GRIA2: variants seen among roughly 807,000 people sequenced by gnomAD.
The protein encoded by GRIA2 is glutamate receptor 2.
GRIA2 carries 14 observed loss-of-function variants against 97.3 expected under a neutral mutation model. The observed-to-expected ratio is 0.14, with a 90% confidence interval of 0.10 to 0.23. The LOEUF (loss-of-function observed/expected upper bound fraction) is 0.23, where lower values mean the gene tolerates loss of function less well. Among genes scored for constraint, GRIA2 ranks in the 10% least tolerant of loss-of-function variants. GRIA2 has a pLI of 1.00. For synonymous variants in GRIA2, 412 were observed against 387.8 expected (o/e 1.06, Z -0.73); for missense variants, 558 against 1,069.8 (o/e 0.52, Z 6.67).
intron 2 of GRIA2, among the ~76,000 whole-genome samples, chr4:157,297,077 G>C (rs1403023683): frequency 1.3e-5 from 2 of 152,080 alleles, no homozygotes; most frequent in African/African-American, 4.8e-5. Context: ...GGTTATATCT[G>C]CCATGAGAGG....
At chr4:157,352,453 C>A (rs199516614) in intron 12 of GRIA2, among the ~76,000 whole-genome samples, 2 of 152,220 alleles carry the variant, frequency 1.3e-5, no homozygotes, top group East Asian at 3.9e-4. Flanking sequence ...CACGGTGGCT[C>A]ATGCCTGTAA....
At position 157,354,130 on chromosome 4, in the gene GRIA2, C is replaced by T. The variant is rs114492930; in HGVS notation, c.2044-5766C>T. ...ACTGAAACATGACATTTTAGGAGAG[C>T]TTAATGTGCAAAGGAATGTCGAGAG... On this transcript the variant is annotated intron_variant, in intron 12 of 15. Coordinates refer to ENST00000264426, the MANE Select transcript of GRIA2 (RefSeq NM_001083619.3). Among the ~76,000 whole-genome samples, 1,194 of 152,166 alleles carry T rather than the reference C, an allele frequency of 7.8e-3. 4 individuals carry two copies. The highest frequency in any genetic ancestry group is 0.014 in the African/African-American group (595 of 41,534).
intron 2 of GRIA2, among the ~76,000 whole-genome samples, chr4:157,241,567 A>C (rs951453475): frequency 3.9e-5 from 6 of 152,126 alleles, no homozygotes; most frequent in African/African-American, 1.4e-4. Context: ...ACATAGACAA[A>C]AAAGATCATA....
Position 157,321,586 on chromosome 4 carries a change from C to T in GRIA2, c.869C>T (p.Thr290Ile). The T allele has an allele frequency of 6.2e-7, 1 of 1,608,100 alleles. No homozygotes were observed. Among genetic ancestry groups the T allele is most frequent in the Non-Finnish European group, 8.5e-7 (1 of 1,176,520 alleles). The change falls in exon 6 of 16, where the codon ACA becomes ATA. Residue 290 changes from threonine (T) to isoleucine (I), a missense_variant. Around this residue, in one of 8 missense-constraint regions of GRIA2, gnomAD observed 173 missense variants for 209.1 expected, o/e 0.83. Transcript: ENST00000264426. ...GAAAAAGAATACCCTGGAGCTCACA[C>T]AACAACAATTAAGGTTTGCTTTGGT... Reference protein sequence around the residue: ...LEEKEYPGAHTTTIKYTSALT... With the variant: ...LEEKEYPGAHITTIKYTSALT...
Position 157,363,700 on chromosome 4 carries a change from C to A in GRIA2, c.*269C>A. 1.9e-6 allele frequency: 1 copy of A among 535,642 alleles called. No homozygotes were observed. The highest frequency in any genetic ancestry group is 2.9e-6 in the Non-Finnish European group (1 of 350,506). 33.2% of individuals were successfully genotyped at this position (535,642 alleles called of 1,614,324 possible). A position where few individuals can be genotyped will look rare whatever the true frequency, so the allele number is the denominator to read the frequency against. Reference sequence around the variant, plus strand: ...GTATCTTGAAGACTTTTCTTTCAGCCAAGAATTCTTAAATATGTGGAGTTC... The same window carrying A: ...GTATCTTGAAGACTTTTCTTTCAGCAAAGAATTCTTAAATATGTGGAGTTC... On this transcript the variant is annotated 3_prime_UTR_variant, in exon 16 of 16. Transcript: ENST00000264426.
chr4:157,225,044 A>G (rs1729680958), intron 2 of GRIA2, among the ~76,000 whole-genome samples: 1 of 152,100 alleles, frequency 6.6e-6, no homozygotes, highest in Non-Finnish European at 1.5e-5. Context: ...TTAGTTTACT[A>G]ATTTAATTTT....
chr4:157,278,801 A>G (rs1732463861), intron 2 of GRIA2, among the ~76,000 whole-genome samples: 1 of 150,438 alleles, frequency 6.6e-6, no homozygotes, highest in Admixed American at 6.6e-5. Context: ...ATAAAAAAAA[A>G]TAGACAAAAG....
At chr4:157,307,237 A>G (rs1445899021) in intron 3 of GRIA2, among the ~76,000 whole-genome samples, 1 of 152,214 alleles carries the variant, frequency 6.6e-6, no homozygotes, top group African/African-American at 2.4e-5. Context: ...GCTTAGTTTC[A>G]CTACCTTTAG....
At chr4:157,350,848 T>G (rs556741191) in intron 12 of GRIA2, among the ~76,000 whole-genome samples, 28 of 152,128 alleles carry the variant, frequency 1.8e-4, no homozygotes, top group African/African-American at 6.7e-4. Context: ...AAGCCTCATG[T>G]ATTCCATTCT....
At chr4:157,312,242 A>G (rs1734114662) in intron 3 of GRIA2, among the ~76,000 whole-genome samples, 1 of 152,092 alleles carries the variant, frequency 6.6e-6, no homozygotes, top group Admixed American at 6.6e-5. Context: ...CTCATTCAAA[A>G]TGTACTCGTC....
intron 2 of GRIA2, among the ~76,000 whole-genome samples, chr4:157,241,605 T>C (rs927309031): frequency 3.3e-5 from 5 of 152,148 alleles, no homozygotes; most frequent in Admixed American, 2.6e-4. Context: ...ATTGTAGCTT[T>C]AAACATTTTT....
chr4:157,262,110 A>C (rs989248048), intron 2 of GRIA2, among the ~76,000 whole-genome samples: 6 of 152,094 alleles, frequency 3.9e-5, no homozygotes, highest in Non-Finnish European at 7.4e-5. Flanking sequence ...TTAACTTTTT[A>C]ATGACCAAAA....
intron 2 of GRIA2, among the ~76,000 whole-genome samples, chr4:157,279,867 G>A (rs1444106172): frequency 6.6e-6 from 1 of 152,142 alleles, no homozygotes; most frequent in East Asian, 1.9e-4. Context: ...GCTCACCCCT[G>A]TAATCTCAGC....
chr4:157,263,779 G>T (rs1326967346), intron 2 of GRIA2, among the ~76,000 whole-genome samples: 1 of 152,014 alleles, frequency 6.6e-6, no homozygotes. Flanking sequence ...CAATAGTTTT[G>T]TCCAATGAGG....
At chr4:157,314,641 T>C (rs1734230062) in intron 4 of GRIA2, among the ~76,000 whole-genome samples, 2 of 152,150 alleles carry the variant, frequency 1.3e-5, no homozygotes, top group African/African-American at 4.8e-5. Flanking sequence ...TAATAAATGT[T>C]AGTGAAAGAC....
intron 2 of GRIA2, among the ~76,000 whole-genome samples, chr4:157,271,993 A>AT (rs1275944558): frequency 6.6e-6 from 1 of 152,112 alleles, no homozygotes; most frequent in African/African-American, 2.4e-5. Flanking sequence ...TTTTTTCTAC[A>AT]TTTTTCTGCA....
chr4:157,244,539 G>A (rs1730645389), intron 2 of GRIA2, among the ~76,000 whole-genome samples: 1 of 152,024 alleles, frequency 6.6e-6, no homozygotes, highest in African/African-American at 2.4e-5. Flanking sequence ...CTGTTTGGTT[G>A]GAAGCAATTT....
intron 6 of GRIA2, among the ~76,000 whole-genome samples, chr4:157,327,393 C>T (rs933067948): frequency 6.6e-6 from 1 of 152,066 alleles, no homozygotes; most frequent in Non-Finnish European, 1.5e-5. Context: ...CAATGAGTTA[C>T]TTTAGTTGAT....
intron 2 of GRIA2, among the ~76,000 whole-genome samples, chr4:157,261,738 CT>C (rs1731545670): frequency 6.6e-6 from 1 of 152,080 alleles, no homozygotes; most frequent in African/African-American, 2.4e-5. Context: ...TGCTTATTAT[CT>C]TTGGGTATTT....
Sources: gnomAD v4.1 joint callset for allele counts (sites outside exome capture counted in the v4.1 genomes callset) on GRCh38, gnomAD v4.1.1 for gene constraint, gnomAD v4.1.1 regional missense constraint, MANE v1.5 for transcripts, NCBI Gene and HGNC (gene_info 2026-07-23, HGNC 2026-07-21) for gene names.